LHPP: variants seen among roughly 807,000 people sequenced by gnomAD.
LHPP encodes the protein phospholysine phosphohistidine inorganic pyrophosphate phosphatase, also known as hLHPP.
LHPP carries 24 observed loss-of-function variants against 30.3 expected under a neutral mutation model. The observed-to-expected ratio is 0.79, with a 90% confidence interval of 0.57 to 1.11. LHPP has a LOEUF of 1.11. Ranked by LOEUF, LHPP falls within the 50% of genes most tolerant of loss-of-function variation. The pLI, the probability that LHPP is intolerant of heterozygous loss-of-function variation, is 0.00. For missense variants in LHPP, 356 were observed against 367.2 expected, an observed-to-expected ratio of 0.97 and a Z score of 0.25; for synonymous variants, 150 against 157.1, an observed-to-expected ratio of 0.95 and a Z score of 0.34.
At chr10:124,544,047 C>T (rs1370772466) in intron 6 of LHPP, among the ~76,000 whole-genome samples, 1 of 152,256 alleles carries the variant, frequency 6.6e-6, no homozygotes, top group Admixed American at 6.5e-5. Flanking sequence ...AGAGCTGCCG[C>T]ACCCTGGCCT....
chr10:124,532,533 T>G (rs1400018435), intron 6 of LHPP, among the ~76,000 whole-genome samples: 4 of 152,260 alleles, frequency 2.6e-5, no homozygotes, highest in African/African-American at 9.6e-5. Flanking sequence ...GAAGCCTGGC[T>G]TCCTCATTCT....
intron 5 of LHPP, among the ~76,000 whole-genome samples, chr10:124,509,386 A>G (rs371932153): frequency 1.1e-4 from 16 of 152,226 alleles, no homozygotes; most frequent in African/African-American, 3.6e-4. Context: ...CACATCTTGT[A>G]TGTACATCCT....
In LHPP at chr10:124,484,300, T is replaced by G; in HGVS notation, c.287T>G (p.Leu96Arg). The change falls in exon 2 of 7, where the codon CTG (leucine) becomes CGG (arginine). Residue 96 changes from leucine to arginine, a missense_variant. Leu to Arg is a moderately radical substitution (Grantham distance 102). Transcript: ENST00000368842. ...TGCCAGATCCTGAAGGAGCAAGGCCTGCGACCATACCTGCTCATCCATGAC... is the reference window on the plus strand; with the variant it reads ...TGCCAGATCCTGAAGGAGCAAGGCCGGCGACCATACCTGCTCATCCATGAC... ...AACQILKEQG[L>R]RPYLLIHDGV... 1 of 1,613,778 alleles carries G rather than the reference T, an allele frequency of 6.2e-7. No individual in the cohort carries two copies. Among genetic ancestry groups the G allele is most frequent in the Non-Finnish European group, 8.5e-7 (1 of 1,179,852 alleles).
chr10:124,608,977 G>A (rs967802820), intron 6 of LHPP, among the ~76,000 whole-genome samples: 5 of 152,192 alleles, frequency 3.3e-5, no homozygotes, highest in Admixed American at 6.5e-5. Context: ...CTGCAGCAGC[G>A]GTGCACTTGA....
Position 124,567,743 on chromosome 10 carries a change from T to G in LHPP, c.717-45521T>G, listed in dbSNP as rs191864664. Among the ~76,000 whole-genome samples, 53 of 152,268 alleles carry G rather than the reference T, an allele frequency of 3.5e-4. No individual in the cohort carries two copies. The East Asian group carries it at 9.9e-3, about 28-fold the overall frequency. On this transcript the variant is annotated intron_variant, in intron 6 of 6. Transcript: ENST00000368842. Reference sequence around the variant, plus strand: ...CACGCATATGCACACACATGCACACTCATGTACTTACACATGTGCACGCGC... The same window carrying G: ...CACGCATATGCACACACATGCACACGCATGTACTTACACATGTGCACGCGC...
chr10:124,608,563 G>T (rs1459747373), intron 6 of LHPP, among the ~76,000 whole-genome samples: 1 of 152,226 alleles, frequency 6.6e-6, no homozygotes, highest in African/African-American at 2.4e-5. Context: ...CACGTGGCTG[G>T]TAGGGGGCGG....
Position 124,541,260 on chromosome 10 carries a change from C to T in LHPP, c.716+23989C>T, listed in dbSNP as rs114202487. Among the ~76,000 whole-genome samples the T allele has an allele frequency of 0.028, 4,314 of 152,294 alleles. 225 individuals carry two copies. Among genetic ancestry groups the T allele is most frequent in the African/African-American group, 0.099 (4,127 of 41,548 alleles). On this transcript the variant is annotated intron_variant, in intron 6 of 6. Coordinates refer to ENST00000368842, the MANE Select transcript of LHPP (RefSeq NM_022126.4). This position sits in a 1 kb window ranked among gnomAD's most constrained non-coding sequence, Gnocchi z 4.2. ...TGGGGGACACAGCCGACACGACCAG[C>T]CTGCAGTACCAGGATAGACAATTTG... is the stretch of plus-strand genomic sequence containing the variant.
chr10:124,594,329 C>CAAAAAAA lies in LHPP; in HGVS notation c.717-18919_717-18913dup, dbSNP rs71026102. 1.5e-4 allele frequency among the ~76,000 whole-genome samples: 11 copies of CAAAAAAA among 75,312 alleles called. 1 individual carries two copies. The highest frequency in any genetic ancestry group is 1.6e-4 in the Non-Finnish European group (7 of 44,516). The allele number at this position is 75,312 out of a possible 152,430, so 49.4% of individuals were successfully genotyped here. The stretch of plus-strand genomic sequence containing the variant: ...TGGGCGGCAGAGTGAGACTCCATCT[C>CAAAAAAA]AAAAAAAAAAAAAAAAAAAAAAGAC... On this transcript the variant is annotated intron_variant, in intron 6 of 6. Transcript: ENST00000368842.
At chr10:124,599,875 C>A (rs1244537418) in intron 6 of LHPP, among the ~76,000 whole-genome samples, 1 of 152,258 alleles carries the variant, frequency 6.6e-6, no homozygotes, top group Admixed American at 6.5e-5. Flanking sequence ...AAGGTCCCAA[C>A]TGGGTCCCCC....
chr10:124,578,362 G>A (rs1344917265), intron 6 of LHPP, among the ~76,000 whole-genome samples: 1 of 152,272 alleles, frequency 6.6e-6, no homozygotes, highest in African/African-American at 2.4e-5. Context: ...CACAGGCATG[G>A]CTTGGGGTCC....
At chr10:124,493,815 G>C (rs1301547849) in intron 3 of LHPP, 3 of 151,648 alleles carry the variant, frequency 2.0e-5, no homozygotes, top group Admixed American at 1.3e-4. Context: ...GGAGAAATAC[G>C]TCGCATCTCT....
At position 124,510,878 on chromosome 10, in the gene LHPP, C is replaced by T. The variant is rs1261062882; in HGVS notation, c.625-6302C>T. On this transcript the variant is annotated intron_variant, in intron 5 of 6. Transcript: ENST00000368842. The surrounding 1 kb of genome is among the most constrained non-coding windows in gnomAD (Gnocchi z 4.0). ...GGGACCCGAATACGGGGGCTCTGGC[C>T]GGCCCTGCTGCCAGATGCCAGCAGC... 1.3e-5 allele frequency among the ~76,000 whole-genome samples: 2 copies of T among 152,216 alleles called. No individual in the cohort carries two copies. The highest frequency in any genetic ancestry group is 2.4e-5 in the African/African-American group (1 of 41,464).
intron 6 of LHPP, among the ~76,000 whole-genome samples, chr10:124,537,056 A>G (rs1345636274): frequency 1.3e-5 from 2 of 152,246 alleles, no homozygotes; most frequent in African/African-American, 2.4e-5. Context: ...TAGGGAACAT[A>G]CAAGCACTTT....
In LHPP at chr10:124,593,399, C is replaced by CAA. The variant is rs762622956; in HGVS notation, c.717-19864_717-19863insAA. Among the ~76,000 whole-genome samples the CAA allele has an allele frequency of 3.9e-5, 6 of 152,228 alleles. No individual in the cohort carries two copies. The highest frequency in any genetic ancestry group is 7.3e-5 in the Non-Finnish European group (5 of 68,040). On this transcript the variant is annotated intron_variant, in intron 6 of 6. Coordinates refer to ENST00000368842, the MANE Select transcript of LHPP (RefSeq NM_022126.4). The surrounding 1 kb of genome is among the most constrained non-coding windows in gnomAD (Gnocchi z 4.9). Reference sequence around the variant, plus strand: ...TCTGCCCCTCCCGGGCCTCAGTTTCCACACCTGAGATGGGAGAGGTTGCAT... The same window carrying CAA: ...TCTGCCCCTCCCGGGCCTCAGTTTCCAAACACCTGAGATGGGAGAGGTTGCAT...
intron 1 of LHPP, among the ~76,000 whole-genome samples, chr10:124,473,781 C>T (rs1057373281): frequency 5.3e-5 from 8 of 152,028 alleles, no homozygotes; most frequent in Admixed American, 3.9e-4. Context: ...GGTGAAACCC[C>T]GTCTCACTAA....
At chr10:124,474,356 T>G (rs1202794036) in intron 1 of LHPP, among the ~76,000 whole-genome samples, 2 of 151,942 alleles carry the variant, frequency 1.3e-5, no homozygotes, top group African/African-American at 4.8e-5. Flanking sequence ...CCCAGGCTGG[T>G]CTTGAACTCC....
At chr10:124,570,142 C>T (rs10751594) in intron 6 of LHPP, among the ~76,000 whole-genome samples, 110,731 of 152,136 alleles carry the variant, frequency 0.73, 41,735 homozygotes, top group East Asian at 0.86. Context: ...CTTCAATCTC[C>T]TTGGTAGCTT....
chr10:124,511,382 A>G (rs1954290800), intron 5 of LHPP, among the ~76,000 whole-genome samples: 1 of 152,144 alleles, frequency 6.6e-6, no homozygotes, highest in African/African-American at 2.4e-5. Context: ...TGCATGACAC[A>G]CTCTGGGAAG....
chr10:124,498,280 A>AG, intron 5 of LHPP, 152 bp downstream of exon 5: 1 of 1,556,732 alleles, frequency 6.4e-7, no homozygotes, highest in Non-Finnish European at 8.8e-7. Flanking sequence ...GCTGGGAAGG[A>AG]GGGGGAAGAC....
Sources: gnomAD v4.1 joint callset for allele counts (sites outside exome capture counted in the v4.1 genomes callset) on GRCh38, gnomAD v4.1.1 for gene constraint, Gnocchi (gnomAD v3.1) non-coding constraint, MANE v1.5 for transcripts, NCBI Gene and HGNC (gene_info 2026-07-23, HGNC 2026-07-21) for gene names.